KCNQ1OT1: variants seen among roughly 807,000 people sequenced by gnomAD.
The protein encoded by KCNQ1OT1 is KCNQ1 antisense RNA 2 (non-protein coding).
chr11:2,682,453 C>T lies in KCNQ1OT1; in HGVS notation n.17542G>A, dbSNP rs112823727. The T allele has an allele frequency of 7.3e-5, 29 of 396,208 alleles. No homozygotes were observed. The highest frequency in any genetic ancestry group is 3.2e-4 in the African/African-American group (15 of 47,366). 24.5% of individuals were successfully genotyped at this position (396,208 alleles called of 1,614,324 possible). ...TGCTTAATCCATATGGAGCCTGTCA[C>T]GGACCCTCAGTGAATGTTTGACGAG... On this transcript the variant is annotated non_coding_transcript_exon_variant, in exon 1 of 1. Transcript: ENST00000597346. This position sits in a 1 kb window ranked among gnomAD's most constrained non-coding sequence, Gnocchi z 5.8.
exon 1 of KCNQ1OT1, chr11:2,631,084 A>G: frequency 2.5e-6 from 1 of 398,508 alleles, no homozygotes; most frequent in Admixed American, 4.4e-5. Flanking sequence ...ACTAATTGTA[A>G]TTCTTTGAGC....
rs1850161707 is a variant in KCNQ1OT1 at position 2,670,388 on chromosome 11, C to T, written n.29607G>A. 1 of 398,272 alleles carries T rather than the reference C, an allele frequency of 2.5e-6. No individual in the cohort carries two copies. The highest frequency in any genetic ancestry group is 4.4e-6 in the Non-Finnish European group (1 of 226,070). 24.7% of individuals were successfully genotyped at this position (398,272 alleles called of 1,614,324 possible). A position where few individuals can be genotyped will look rare whatever the true frequency, so the allele number is the denominator to read the frequency against. On this transcript the variant is annotated non_coding_transcript_exon_variant, in exon 1 of 1. Transcript: ENST00000597346. This position sits in a 1 kb window ranked among gnomAD's most constrained non-coding sequence, Gnocchi z 4.9. Reference sequence around the variant, plus strand: ...TAGGCTGAAATTCCAAGAGCATTAACCAGACACCTACTATGTGTATTTCTT... The same window carrying T: ...TAGGCTGAAATTCCAAGAGCATTAATCAGACACCTACTATGTGTATTTCTT...
At chr11:2,635,478 G>C (rs181881634) in exon 1 of KCNQ1OT1, 5 of 152,246 alleles carry the variant, frequency 3.3e-5, no homozygotes, top group Admixed American at 1.3e-4. Flanking sequence ...CTTTGTCAAA[G>C]ATCAGATGAT....
At chr11:2,666,572 G>A (rs2133862777) in exon 1 of KCNQ1OT1, 1 of 398,666 alleles carries the variant, frequency 2.5e-6, no homozygotes, top group Non-Finnish European at 4.4e-6. Flanking sequence ...TTGTCAGCAA[G>A]GACAGGGCCA....
exon 1 of KCNQ1OT1, chr11:2,632,244 T>C: frequency 2.5e-6 from 1 of 397,930 alleles, no homozygotes. Context: ...ACTATCCTGC[T>C]ACTTTGCTGA....
At position 2,674,086 on chromosome 11, in the gene KCNQ1OT1, T is replaced by G. The variant is rs572040069; in HGVS notation, n.25909A>C. On this transcript the variant is annotated non_coding_transcript_exon_variant, in exon 1 of 1. Transcript: ENST00000597346. This position sits in a 1 kb window ranked among gnomAD's most constrained non-coding sequence, Gnocchi z 5.9. The stretch of plus-strand genomic sequence containing the variant: ...GCCCCATGGGGGCTTGGGCTAGGTC[T>G]CCCTGCCGGTGGGGAGGGAGGTGTG... The G allele has an allele frequency of 2.5e-6, 1 of 398,594 alleles. No individual in the cohort carries two copies. The highest frequency in any genetic ancestry group is 1.3e-4 in the South Asian group (1 of 7,852). The allele number at this position is 398,594 out of a possible 1,614,324, so 24.7% of individuals were successfully genotyped here. A position where few individuals can be genotyped will look rare whatever the true frequency, so the allele number is the denominator to read the frequency against.
Position 2,678,509 on chromosome 11 carries a change from C to CT in KCNQ1OT1, n.21485dup, listed in dbSNP as rs1827290891. 4 of 398,476 alleles carry CT rather than the reference C, an allele frequency of 1.0e-5. No individual in the cohort carries two copies. The Admixed American group carries it at 1.8e-4, about 18-fold the overall frequency. The allele number at this position is 398,476 out of a possible 1,614,324, so 24.7% of individuals were successfully genotyped here. A position where few individuals can be genotyped will look rare whatever the true frequency, so the allele number is the denominator to read the frequency against. Reference sequence around the variant, plus strand: ...TTTAATTTGTGTCCATTTCTAGACTCTATTCTGGACTGCTGATGGGCCTGT... The same window carrying CT: ...TTTAATTTGTGTCCATTTCTAGACTCTTATTCTGGACTGCTGATGGGCCTGT... On this transcript the variant is annotated non_coding_transcript_exon_variant, in exon 1 of 1. Transcript: ENST00000597346. The surrounding 1 kb of genome is among the most constrained non-coding windows in gnomAD (Gnocchi z 4.9).
rs78979288 is a variant in KCNQ1OT1, at chr11:2,688,370, G to T, written n.11625C>A. The stretch of plus-strand genomic sequence containing the variant: ...CCTCTCGTGTCTGGGGAACTTCCCC[G>T]TAGAGGTTTCAATAACTGCCATCCT... On this transcript the variant is annotated non_coding_transcript_exon_variant, in exon 1 of 1. Coordinates refer to ENST00000597346, the Ensembl canonical transcript of KCNQ1OT1. 2,683 of 398,756 alleles carry T rather than the reference G, an allele frequency of 6.7e-3. 48 individuals are homozygous for T. Among genetic ancestry groups the T allele is most frequent in the African/African-American group, 0.05 (2,415 of 48,744 alleles). The allele number at this position is 398,756 out of a possible 1,614,324, so 24.7% of individuals were successfully genotyped here.
At chr11:2,684,418 G>C (rs1340893589) in exon 1 of KCNQ1OT1, 1 of 398,530 alleles carries the variant, frequency 2.5e-6, no homozygotes, top group Admixed American at 4.4e-5. Context: ...CAGTGCCCCA[G>C]CACCACCTCT....
chr11:2,660,564 A>G (rs1169190592), exon 1 of KCNQ1OT1: 1 of 398,670 alleles, frequency 2.5e-6, no homozygotes, highest in Non-Finnish European at 4.4e-6. Context: ...AAAGTGAGCA[A>G]AGGACATGAA....
chr11:2,674,831 TTA>T lies in KCNQ1OT1; in HGVS notation n.25162_25163del, dbSNP rs1491165784. The T allele has an allele frequency of 4.2e-3, 1,528 of 367,056 alleles. 26 individuals are homozygous for T. The highest frequency in any genetic ancestry group is 0.018 in the Admixed American group (359 of 19,726). The allele number at this position is 367,056 out of a possible 1,614,324, so 22.7% of individuals were successfully genotyped here. ...GGCTTGTCACCCTAATAGCTGTTTTTTAAAAAAAAAAAAAAAAAAAAAAAAAA... is the reference window on the plus strand; with the variant it reads ...GGCTTGTCACCCTAATAGCTGTTTTTAAAAAAAAAAAAAAAAAAAAAAAAA... On this transcript the variant is annotated non_coding_transcript_exon_variant, in exon 1 of 1. Coordinates refer to ENST00000597346, the Ensembl canonical transcript of KCNQ1OT1. The surrounding 1 kb of genome is among the most constrained non-coding windows in gnomAD (Gnocchi z 5.9).
At chr11:2,675,983 C>G in exon 1 of KCNQ1OT1, 1 of 398,636 alleles carries the variant, frequency 2.5e-6, no homozygotes, top group Non-Finnish European at 4.4e-6. Context: ...ATAACACTCT[C>G]CCCACCCAAC....
At position 2,648,279 on chromosome 11, in the gene KCNQ1OT1, G is replaced by T. The variant is rs79828603; in HGVS notation, n.51716C>A. The T allele has an allele frequency of 8.1e-3, 3,245 of 398,400 alleles. 62 individuals are homozygous for T. The highest frequency in any genetic ancestry group is 0.053 in the African/African-American group (2,574 of 48,674). 24.7% of individuals were successfully genotyped at this position (398,400 alleles called of 1,614,324 possible). A position where few individuals can be genotyped will look rare whatever the true frequency, so the allele number is the denominator to read the frequency against. Reference sequence around the variant, plus strand: ...TTTTATCTCTATTTCATTTAGATCTGCTCTGATCTTTACTATTTATTTCCT... The same window carrying T: ...TTTTATCTCTATTTCATTTAGATCTTCTCTGATCTTTACTATTTATTTCCT... On this transcript the variant is annotated non_coding_transcript_exon_variant, in exon 1 of 1. Coordinates refer to ENST00000597346, the Ensembl canonical transcript of KCNQ1OT1.
chr11:2,637,424 C>A (rs1235284599), exon 1 of KCNQ1OT1: 2 of 152,190 alleles, frequency 1.3e-5, no homozygotes, highest in Admixed American at 6.5e-5. Context: ...TATTTCTCTG[C>A]CTTCATTTCG....
At position 2,646,459 on chromosome 11, in the gene KCNQ1OT1, A is replaced by G. The variant is rs1590002677; in HGVS notation, n.53536T>C. 5 of 398,542 alleles carry G rather than the reference A, an allele frequency of 1.3e-5. No homozygotes were observed. In the East Asian group the frequency reaches 1.8e-4, roughly 14 times the overall value. 24.7% of individuals were successfully genotyped at this position (398,542 alleles called of 1,614,324 possible). On this transcript the variant is annotated non_coding_transcript_exon_variant, in exon 1 of 1. Transcript: ENST00000597346. Reference sequence around the variant, plus strand: ...TTGCTTTTTTTTGTAGCTATTGCAAATGGGATTGCTTTCTTCATTTCTCTT... The same window carrying G: ...TTGCTTTTTTTTGTAGCTATTGCAAGTGGGATTGCTTTCTTCATTTCTCTT...
Position 2,620,890 on chromosome 11 carries a change from G to A in KCNQ1OT1, n.79105C>T. On this transcript the variant is annotated non_coding_transcript_exon_variant, in exon 1 of 1. Coordinates refer to ENST00000597346, the Ensembl canonical transcript of KCNQ1OT1. The surrounding 1 kb of genome is among the most constrained non-coding windows in gnomAD (Gnocchi z 4.5). Reference sequence around the variant, plus strand: ...CTTTTTAATAATTGCCATTCTGACTGGTGTGAGATGGCATCCCATTATGGT... The same window carrying A: ...CTTTTTAATAATTGCCATTCTGACTAGTGTGAGATGGCATCCCATTATGGT... The A allele has an allele frequency of 2.5e-6, 1 of 396,700 alleles. No homozygotes were observed. The highest frequency in any genetic ancestry group is 1.3e-4 in the South Asian group (1 of 7,804). 24.6% of individuals were successfully genotyped at this position (396,700 alleles called of 1,614,324 possible). A position where few individuals can be genotyped will look rare whatever the true frequency, so the allele number is the denominator to read the frequency against.
exon 1 of KCNQ1OT1, chr11:2,693,566 G>C: frequency 2.5e-6 from 1 of 398,670 alleles, no homozygotes. Context: ...CTTTTCGGAG[G>C]AGCAGGGATT....
At chr11:2,672,884 G>A in exon 1 of KCNQ1OT1, 1 of 398,738 alleles carries the variant, frequency 2.5e-6, no homozygotes, top group Non-Finnish European at 4.4e-6. Context: ...CTGACTGTCA[G>A]GGGAGCAGTA....
At chr11:2,694,589 T>A (rs1457154559) in exon 1 of KCNQ1OT1, 2 of 398,504 alleles carry the variant, frequency 5.0e-6, no homozygotes, top group Admixed American at 8.8e-5. Flanking sequence ...CACACTTTCC[T>A]GGCCTGGCCT....
Sources: allele counts gnomAD v4.1 joint callset, GRCh38; gene constraint gnomAD v4.1.1; non-coding constraint Gnocchi (gnomAD v3.1); transcripts MANE v1.5; gene names NCBI Gene and HGNC (gene_info 2026-07-23, HGNC 2026-07-21).